The following OTOG variants were observed in gnomAD, a reference collection of about 807,000 sequenced individuals.
OTOG encodes the protein otogelin.
In OTOG, 296 loss-of-function variants were observed where a neutral mutation model predicts 313.8. The ratio of observed to expected loss-of-function variants is 0.94; its 90% CI spans 0.86 to 1.04. The LOEUF (loss-of-function observed/expected upper bound fraction) is 1.04, where lower values mean the gene tolerates loss of function less well. Ranked by LOEUF, OTOG falls within the 50% of genes least tolerant of loss-of-function variation. The pLI is 0.00. For missense variants in OTOG, 3,948 were observed against 3,840.1 expected, an observed-to-expected ratio of 1.03 and a Z score of -0.74; for synonymous variants, 1,533 against 1,554.9, an observed-to-expected ratio of 0.99 and a Z score of 0.33.
At chr11:17,612,038 T>A in intron 36 of OTOG, 124 bp from the exon 37 acceptor site, 1 of 1,219,952 alleles carries the variant, frequency 8.2e-7, no homozygotes, top group Non-Finnish European at 1.1e-6. Flanking sequence ...TGAGGGCCTC[T>A]TTCCCTAGAA....
chr11:17,633,777 A>G lies in OTOG; in HGVS notation c.7170A>G (p.Pro2390=). 1 of 1,550,546 alleles carries G rather than the reference A, an allele frequency of 6.4e-7. No individual in the cohort carries two copies. Among genetic ancestry groups the G allele is most frequent in the South Asian group, 1.2e-5 (1 of 84,052 alleles). Reference sequence around the variant, plus strand: ...ATGGGATACTAGGGCCTCTGGACCCAGAGCACTGCCAGGTGCTGGGCGAGG... The same window carrying G: ...ATGGGATACTAGGGCCTCTGGACCCGGAGCACTGCCAGGTGCTGGGCGAGG... ...CQDGILGPLD[P]EHCQVLGEGC... Residue 2390 remains proline, a synonymous_variant, in exon 43 of 56, where the codon CCA becomes CCG. Transcript: ENST00000399397.
chr11:17,555,967 C>T (rs1053957255), intron 7 of OTOG, 70 bp downstream of exon 7: 30 of 1,233,960 alleles, frequency 2.4e-5, no homozygotes, highest in East Asian at 1.3e-4. Context: ...GGTGAGCATC[C>T]GCTCTTCTCA....
At chr11:17,558,863 C>T (rs1229229197) in intron 10 of OTOG, among the ~76,000 whole-genome samples, 189 bp from the exon 11 acceptor site, 1 of 152,228 alleles carries the variant, frequency 6.6e-6, no homozygotes, top group Non-Finnish European at 1.5e-5. Context: ...AGTGGCAATG[C>T]TGGGACTAGA....
intron 39 of OTOG, among the ~76,000 whole-genome samples, chr11:17,615,087 G>T (rs1272663110): frequency 3.3e-5 from 5 of 152,106 alleles, no homozygotes; most frequent in African/African-American, 1.2e-4. Flanking sequence ...ACCTCATTTT[G>T]GTTTTAATTT....
At chr11:17,638,925 G>C (rs753716761) in intron 48 of OTOG, 52 of 550,654 alleles carry the variant, frequency 9.4e-5, no homozygotes, top group Non-Finnish European at 1.4e-4. Context: ...GTGAAACCCT[G>C]TGTCTACTGA....
At chr11:17,559,686 G>A (rs1411913601) in intron 12 of OTOG, 24 bp downstream of exon 12, 3 of 1,550,020 alleles carry the variant, frequency 1.9e-6, no homozygotes, top group Non-Finnish European at 1.7e-6. Flanking sequence ...AGACGTAGGT[G>A]CCTGGCACCA....
chr11:17,632,088 G>T lies in OTOG; in HGVS notation c.6934G>T (p.Val2312Leu). The change falls in exon 42 of 56, where the codon GTG becomes TTG. Residue 2312 changes from valine (V) to leucine (L), a missense_variant and splice_region_variant. Physicochemically the swap from Val to Leu is conservative, Grantham distance 32 (BLOSUM62 1). Transcript: ENST00000399397. ...NRTFSACHRF[V>L]PPESFCELWI... Reference sequence around the variant, plus strand: ...AGCACTGCCTGATGCATATGTCCAGGTGCCTCCGGAGTCATTCTGTGAGCT... The same window carrying T: ...AGCACTGCCTGATGCATATGTCCAGTTGCCTCCGGAGTCATTCTGTGAGCT... The T allele has an allele frequency of 6.4e-7, 1 of 1,550,818 alleles. No homozygotes were observed. Among genetic ancestry groups the T allele is most frequent in the South Asian group, 1.2e-5 (1 of 84,058 alleles).
chr11:17,609,927 G>C lies in OTOG; in HGVS notation c.4627G>C (p.Ala1543Pro), dbSNP rs545740473. Reference sequence around the variant, plus strand: ...GGAGCTCACTGCATCTCAACTCCCCGCCGGCCCCACGGAGTCCCCAGCCAG... The same window carrying C: ...GGAGCTCACTGCATCTCAACTCCCCCCCGGCCCCACGGAGTCCCCAGCCAG... ...PLELTASQLP[A>P]GPTESPASKG... The change falls in exon 36 of 56, where the codon GCC (alanine) becomes CCC (proline). Residue 1543 changes from alanine to proline, a missense_variant. Coordinates refer to ENST00000399397, the MANE Select transcript of OTOG (RefSeq NM_001292063.2). The C allele has an allele frequency of 2.0e-6, 3 of 1,528,824 alleles. No individual in the cohort carries two copies. The highest frequency in any genetic ancestry group is 2.5e-5 in the South Asian group (2 of 79,962). The allele number at this position is 1,528,824 out of a possible 1,614,324, so 94.7% of individuals were successfully genotyped here. A position where few individuals can be genotyped will look rare whatever the true frequency, so the allele number is the denominator to read the frequency against.
rs755063271 is a variant in OTOG at position 17,642,145 on chromosome 11, G to A, written c.8314G>A (p.Ala2772Thr). 1.7e-5 allele frequency: 27 copies of A among 1,545,754 alleles called. No individual in the cohort carries two copies. Among genetic ancestry groups the A allele is most frequent in the African/African-American group, 6.9e-5 (5 of 72,908 alleles). The change falls in exon 53 of 56, where the codon GCA (alanine) becomes ACA (threonine). Residue 2772 changes from alanine to threonine, a missense_variant. Transcript: ENST00000399397. ...SLFLPGASWI[A>T]DCARHHCSST... ...CCTCCAGCCCGGGGCATCCTGGATC[G>A]CAGACTGCGCCCGCCACCACTGCAG...
chr11:17,609,750 C>A lies in OTOG; in HGVS notation c.4450C>A (p.Gln1484Lys). Reference protein sequence around the residue: ...GLPTPSDEEPQLSQESPRTPT... With the variant: ...GLPTPSDEEPKLSQESPRTPT... The stretch of plus-strand genomic sequence containing the variant: ...GCCCACTCCCAGTGATGAGGAGCCA[C>A]AGCTGTCACAGGAAAGCCCCAGGAC... Residue 1484 changes from glutamine to lysine, a missense_variant, in exon 36 of 56, where the codon CAG becomes AAG. Gln to Lys is a moderately conservative substitution (Grantham distance 53). Transcript: ENST00000399397. 6.5e-7 allele frequency: 1 copy of A among 1,548,850 alleles called. No individual in the cohort carries two copies. The highest frequency in any genetic ancestry group is 8.7e-7 in the Non-Finnish European group (1 of 1,146,090).
intron 28 of OTOG, among the ~76,000 whole-genome samples, chr11:17,595,572 C>A (rs1853075617): frequency 6.6e-6 from 1 of 152,164 alleles, no homozygotes; most frequent in Non-Finnish European, 1.5e-5. Flanking sequence ...GGAGGCTCTA[C>A]TGGGGAAGGA....
In OTOG at chr11:17,561,688, C is replaced by G. The variant is rs1459314022; in HGVS notation, c.1525C>G (p.His509Asp). The G allele has an allele frequency of 6.4e-7, 1 of 1,550,462 alleles. No individual in the cohort carries two copies. Among genetic ancestry groups the G allele is most frequent in the East Asian group, 2.4e-5 (1 of 40,914 alleles). The change falls in exon 15 of 56, where the codon CAC becomes GAC. Residue 509 changes from histidine to aspartate, a missense_variant. By Grantham distance (81) the His-to-Asp change is moderately conservative. Transcript: ENST00000399397. ...TGAGTGCTCAGTGACTGGTGACATT[C>G]ACTTCACAACCTTTGATGGCCGCCG... The part of the protein sequence containing the change: ...PAECSVTGDI[H>D]FTTFDGRRYT...
At chr11:17,588,344 C>A (rs1028084429) in intron 24 of OTOG, among the ~76,000 whole-genome samples, 2 of 152,162 alleles carry the variant, frequency 1.3e-5, no homozygotes, top group African/African-American at 4.8e-5. Context: ...TGGTGTGACT[C>A]GAGCATTTGC....
intron 15 of OTOG, among the ~76,000 whole-genome samples, chr11:17,562,998 G>A (rs1423919473): frequency 6.6e-6 from 1 of 152,194 alleles, no homozygotes; most frequent in Non-Finnish European, 1.5e-5. Flanking sequence ...GCACAGGGTG[G>A]ATCTCTACGG....
At chr11:17,591,687 G>T in intron 25 of OTOG, 99 bp downstream of exon 25, 1 of 1,440,108 alleles carries the variant, frequency 6.9e-7, no homozygotes, top group Non-Finnish European at 9.3e-7. Context: ...GGGTGATCGG[G>T]GATCTAAGCC....
chr11:17,554,728 A>G (rs910192488), intron 6 of OTOG, among the ~76,000 whole-genome samples: 1 of 152,228 alleles, frequency 6.6e-6, no homozygotes, highest in African/African-American at 2.4e-5. Context: ...GCCTCGGCCT[A>G]TCACATAGCA....
At position 17,578,474 on chromosome 11, in the gene OTOG, C is replaced by CT. The variant is rs1478529835; in HGVS notation, c.2708dup (p.Ser904GlufsTer83). ...GACGTGTGAGCAGCAACTGCTGAACCTGAGCGTGTCAGCCCGTGGCCCCTG... is the reference window on the plus strand; with the variant it reads ...GACGTGTGAGCAGCAACTGCTGAACCTTGAGCGTGTCAGCCCGTGGCCCCTG... On this transcript the variant is annotated frameshift_variant, in exon 23 of 56. Coordinates refer to ENST00000399397, the MANE Select transcript of OTOG (RefSeq NM_001292063.2). LOFTEE classifies it high-confidence loss of function. 6.5e-7 allele frequency: 1 copy of CT among 1,541,080 alleles called. No individual in the cohort carries two copies. The highest frequency in any genetic ancestry group is 2.4e-5 in the East Asian group (1 of 40,904).
intron 20 of OTOG, among the ~76,000 whole-genome samples, chr11:17,575,726 G>A (rs1190797311): frequency 6.6e-6 from 1 of 152,186 alleles, no homozygotes. Context: ...ATCACTCATA[G>A]GCCTTCCCAA....
intron 41 of OTOG, 22 bp from the exon 42 acceptor site, chr11:17,632,066 A>G: frequency 6.5e-7 from 1 of 1,549,520 alleles, no homozygotes; most frequent in East Asian, 2.4e-5. Flanking sequence ...AGTAACCAGC[A>G]CTGCCTGATG....
Sources: allele counts gnomAD v4.1 joint callset (sites outside exome capture counted in the v4.1 genomes callset), GRCh38; gene constraint gnomAD v4.1.1; transcripts MANE v1.5; gene names NCBI Gene and HGNC (gene_info 2026-07-23, HGNC 2026-07-21).